Variants in WDR75 observed in about 807,000 individuals in gnomAD.
The protein encoded by WDR75 is WD repeat-containing protein 75.
A neutral mutation model predicts 106.1 loss-of-function variants in WDR75; 52 were observed. The observed-to-expected ratio is 0.49, with a 90% CI of 0.39 to 0.62. WDR75 has a LOEUF of 0.62. WDR75 is among the 20% of genes least tolerant of loss of function. The pLI is 0.00. For synonymous variants in WDR75, 333 were observed against 335.5 expected (o/e 0.99, Z 0.08); for missense variants, 905 against 970.3 (o/e 0.93, Z 0.89).
intron 4 of WDR75, among the ~76,000 whole-genome samples, chr2:189,454,034 C>G (rs186296999): frequency 6.6e-6 from 1 of 152,158 alleles, no homozygotes; most frequent in African/African-American, 2.4e-5. Flanking sequence ...CAAAACACTT[C>G]TAAGTCCCAG....
rs1351185617 is a variant in WDR75 at position 189,470,210 on chromosome 2, A to G, written c.1954A>G (p.Asn652Asp). 6 of 1,612,576 alleles carry G rather than the reference A, an allele frequency of 3.7e-6. No individual in the cohort carries two copies. The highest frequency in any genetic ancestry group is 5.1e-6 in the Non-Finnish European group (6 of 1,179,270). ...SFTSEAYQWL[N>D]RSQFYFLTKS... ...CACCTCAGAAGCTTACCAGTGGCTA[A>G]ATAGATCCCAGTTTTACTTCCTAAC... Residue 652 changes from asparagine (N) to aspartate (D), a missense_variant, in exon 17 of 21, where the codon AAT becomes GAT. Physicochemically the swap from Asn to Asp is conservative, Grantham distance 23 (BLOSUM62 1). Transcript: ENST00000314761.
At chr2:189,462,245 C>G (rs1425675570) in intron 8 of WDR75, among the ~76,000 whole-genome samples, 4 of 151,790 alleles carry the variant, frequency 2.6e-5, no homozygotes, top group Non-Finnish European at 5.9e-5. Context: ...TCCAGCTTTT[C>G]TAGTTGTCAA....
chr2:189,448,650 T>C (rs994400246), intron 2 of WDR75, 142 bp downstream of exon 2: 5 of 1,029,252 alleles, frequency 4.9e-6, no homozygotes, highest in Non-Finnish European at 7.3e-6. Flanking sequence ...TTCCACTTGC[T>C]AAATTACATT....
At chr2:189,455,249 A>G in intron 4 of WDR75, 71 bp from the exon 5 acceptor site, 3 of 1,540,412 alleles carry the variant, frequency 1.9e-6, no homozygotes, top group African/African-American at 1.4e-5. Flanking sequence ...TCAAAAAAAA[A>G]AGAATAAATT....
chr2:189,466,603 T>A (rs369355231), intron 13 of WDR75, 21 bp downstream of exon 13: 2 of 1,581,292 alleles, frequency 1.3e-6, no homozygotes, highest in African/African-American at 1.4e-5. Context: ...AAATATGTTA[T>A]GTTTAAAGTG....
At position 189,463,951 on chromosome 2, in the gene WDR75, A is replaced by G; in HGVS notation, c.1103A>G (p.Gln368Arg). ...LQFYSLQSDKQLYNLDIIQQE... is the reference protein window; with the variant it reads ...LQFYSLQSDKRLYNLDIIQQE... Reference sequence around the variant, plus strand: ...TTTTATTCTCTCCAGAGTGATAAACAGTTATACAATGTAAGATTTTGATCA... The same window carrying G: ...TTTTATTCTCTCCAGAGTGATAAACGGTTATACAATGTAAGATTTTGATCA... Residue 368 changes from glutamine to arginine, a missense_variant, in exon 11 of 21, where the codon CAG (glutamine) becomes CGG (arginine). Physicochemically the swap from Gln to Arg is conservative, Grantham distance 43. Coordinates refer to ENST00000314761, the MANE Select transcript of WDR75 (RefSeq NM_032168.3). The G allele has an allele frequency of 6.2e-7, 1 of 1,612,918 alleles. No individual in the cohort carries two copies. The highest frequency in any genetic ancestry group is 8.5e-7 in the Non-Finnish European group (1 of 1,179,374).
At chr2:189,445,035 G>A (rs1404121485) in intron 1 of WDR75, among the ~76,000 whole-genome samples, 2 of 152,116 alleles carry the variant, frequency 1.3e-5, no homozygotes, top group South Asian at 2.1e-4. Context: ...TGTGGTGGGT[G>A]CATTACACAC....
intron 18 of WDR75, 73 bp downstream of exon 18, chr2:189,470,951 A>C (rs2105574157): frequency 8.5e-7 from 1 of 1,178,814 alleles, no homozygotes; most frequent in African/African-American, 1.6e-5. Flanking sequence ...GAAGTCAACT[A>C]TGAAAAAAAT....
intron 8 of WDR75, among the ~76,000 whole-genome samples, chr2:189,462,146 T>A (rs115414746): frequency 0.065 from 9,840 of 151,774 alleles, 492 homozygotes; most frequent in African/African-American, 0.14. Context: ...CGGCTTTTTT[T>A]TATATATATA....
intron 5 of WDR75, among the ~76,000 whole-genome samples, chr2:189,456,561 T>A (rs1558984190): frequency 6.6e-6 from 1 of 151,908 alleles, no homozygotes; most frequent in Non-Finnish European, 1.5e-5. Flanking sequence ...GAATGTGAAA[T>A]TCTACAACCG....
At chr2:189,441,604 G>T (rs1224228421) in intron 1 of WDR75, 26 bp downstream of exon 1, 11 of 1,550,644 alleles carry the variant, frequency 7.1e-6, no homozygotes, top group Non-Finnish European at 8.7e-6. Context: ...CGCTTTGTCG[G>T]CTGAGGGGCG....
At chr2:189,474,464 A>C in intron 19 of WDR75, 132 bp downstream of exon 19, 1 of 1,104,294 alleles carries the variant, frequency 9.1e-7, no homozygotes, top group Non-Finnish European at 1.3e-6. Context: ...ACTAACAACA[A>C]ACCGAGTAAC....
intron 6 of WDR75, among the ~76,000 whole-genome samples, chr2:189,457,818 G>A (rs1465365419): frequency 6.6e-6 from 1 of 151,560 alleles, no homozygotes; most frequent in East Asian, 1.9e-4. Flanking sequence ...TAACAGAGTT[G>A]TACTGATGAA....
chr2:189,470,936 T>A, intron 18 of WDR75, 58 bp downstream of exon 18: 1 of 1,330,618 alleles, frequency 7.5e-7, no homozygotes. Flanking sequence ...TACAATTACC[T>A]TTTAGAAGTC....
chr2:189,465,117 T>C lies in WDR75; in HGVS notation c.1152T>C (p.Gly384=). 6.2e-7 allele frequency: 1 copy of C among 1,612,154 alleles called. No individual in the cohort carries two copies. Among genetic ancestry groups the C allele is most frequent in the Non-Finnish European group, 8.5e-7 (1 of 1,178,840 alleles). ...AGCAAGAATATATTAATGATTATGG[T>C]CTGATCCAAATTGAACTAACAAAGG... ...IIQQEYINDY[G]LIQIELTKAA... is the part of the protein sequence containing the mutation. The change falls in exon 12 of 21, where the codon GGT becomes GGC. Residue 384 remains glycine (G), a synonymous_variant. Coordinates refer to ENST00000314761, the MANE Select transcript of WDR75 (RefSeq NM_032168.3).
intron 2 of WDR75, chr2:189,450,536 C>G: frequency 3.0e-6 from 3 of 991,676 alleles, no homozygotes; most frequent in Non-Finnish European, 3.7e-6. Context: ...AGGCTGGTCT[C>G]GAACTCCTGG....
At chr2:189,448,298 T>C (rs371384054) in intron 1 of WDR75, 81 bp from the exon 2 acceptor site, 1 of 1,424,878 alleles carries the variant, frequency 7.0e-7, no homozygotes, top group South Asian at 1.5e-5. Context: ...ACTGAAACAA[T>C]GATGAAAAAT....
intron 4 of WDR75, among the ~76,000 whole-genome samples, chr2:189,452,497 G>A (rs1289072351): frequency 6.6e-6 from 1 of 151,614 alleles, no homozygotes; most frequent in Non-Finnish European, 1.5e-5. Context: ...AGAAGGTGGA[G>A]CTTGCAGTGA....
At chr2:189,460,086 G>A (rs1163140709) in intron 8 of WDR75, among the ~76,000 whole-genome samples, 2 of 152,226 alleles carry the variant, frequency 1.3e-5, no homozygotes, top group East Asian at 1.9e-4. Context: ...ATACAGGGAA[G>A]TACATCTTGT....
Sources: allele counts gnomAD v4.1 joint callset (sites outside exome capture counted in the v4.1 genomes callset), GRCh38; gene constraint gnomAD v4.1.1; transcripts MANE v1.5; gene names NCBI Gene and HGNC (gene_info 2026-07-23, HGNC 2026-07-21).